The following NSD2 variants were observed in gnomAD, a reference collection of about 807,000 sequenced individuals.
NSD2 encodes the protein histone-lysine N-methyltransferase NSD2.
A neutral mutation model predicts 139.0 loss-of-function variants in NSD2; 12 were observed. That is an observed-to-expected ratio of 0.09 (90% CI 0.06 to 0.14). The LOEUF (loss-of-function observed/expected upper bound fraction) is 0.14, where lower values mean the gene tolerates loss of function less well. NSD2 is among the 10% of genes least tolerant of loss of function. NSD2 has a pLI of 1.00. For synonymous variants in NSD2, 669 were observed against 648.7 expected (o/e 1.03, Z -0.48); for missense variants, 1,155 against 1,745.0 (o/e 0.66, Z 6.02).
chr4:1,923,662 T>A (rs997448164), intron 5 of NSD2, among the ~76,000 whole-genome samples: 9 of 152,196 alleles, frequency 5.9e-5, no homozygotes, highest in African/African-American at 9.7e-5. Context: ...TTTGGCAAGA[T>A]CTAGTGAAAT....
At chr4:1,939,592 T>A (rs1722864247) in intron 8 of NSD2, 62 bp from the exon 9 acceptor site, 1 of 1,529,614 alleles carries the variant, frequency 6.5e-7, no homozygotes, top group Non-Finnish European at 9.0e-7. Context: ...GGGTAATTTT[T>A]AAGCAGTAAA....
chr4:1,975,068 G>T (rs1008025798), intron 19 of NSD2, 64 bp downstream of exon 19: 38 of 1,606,320 alleles, frequency 2.4e-5, no homozygotes, highest in Non-Finnish European at 3.1e-5. Context: ...CATCGCTGAG[G>T]GCTGCGTGGG....
chr4:1,918,217 T>A lies in NSD2; in HGVS notation c.1004T>A (p.Met335Lys). 1 of 1,613,408 alleles carries A rather than the reference T, an allele frequency of 6.2e-7. No individual in the cohort carries two copies. Among genetic ancestry groups the A allele is most frequent in the Non-Finnish European group, 8.5e-7 (1 of 1,179,954 alleles). The change falls in exon 5 of 22, where the codon ATG becomes AAG. Residue 335 changes from methionine (M) to lysine (K), a missense_variant. Met to Lys is a moderately conservative substitution (Grantham distance 95, BLOSUM62 -1). Coordinates refer to ENST00000508803, the MANE Select transcript of NSD2 (RefSeq NM_001042424.3). ...GTTCAAGCAGAAGAAGCTGCAAGCA[T>A]GTCAGTGGAGGAGCGGAAAGCCAAG... The part of the protein sequence containing the change: ...GIVQAEEAAS[M>K]SVEERKAKFT...
intron 5 of NSD2, among the ~76,000 whole-genome samples, chr4:1,924,880 T>C (rs1329803367): frequency 1.3e-5 from 2 of 152,146 alleles, no homozygotes; most frequent in African/African-American, 4.8e-5. Flanking sequence ...TGAGCCATCA[T>C]TGCGCCACTG....
chr4:1,911,804 G>A (rs1718730563), intron 3 of NSD2, among the ~76,000 whole-genome samples: 1 of 152,060 alleles, frequency 6.6e-6, no homozygotes, highest in Non-Finnish European at 1.5e-5. Context: ...CCGGTTTCTA[G>A]ATGGGAAAGA....
In NSD2 at chr4:1,945,567, CCAGAAG is replaced by C. The variant is rs1723540200; in HGVS notation, c.1882-5503_1882-5498del. On this transcript the variant is annotated intron_variant, in intron 9 of 21. Coordinates refer to ENST00000508803, the MANE Select transcript of NSD2 (RefSeq NM_001042424.3). ...GAAAGTGCTCCTGAGAAGGCTCTTG[CCAGAAG>C]CCTGATGTGAGTGTGTGGCACCTGT... 3.8e-6 allele frequency: 4 copies of C among 1,065,208 alleles called. No individual in the cohort carries two copies. The African/African-American group carries it at 6.6e-5, about 17-fold the overall frequency. 66.0% of individuals were successfully genotyped at this position (1,065,208 alleles called of 1,614,324 possible). A position where few individuals can be genotyped will look rare whatever the true frequency, so the allele number is the denominator to read the frequency against.
At position 1,916,098 on chromosome 4, in the gene NSD2, C is replaced by T. The variant is rs553717048; in HGVS notation, c.761-773C>T. On this transcript the variant is annotated intron_variant, in intron 3 of 21. Transcript: ENST00000508803. Reference sequence around the variant, plus strand: ...GGCATCTGTGGGGTTACTCTGTGGTCTGAGCTGCTCTCTGAGGCCACTGAT... The same window carrying T: ...GGCATCTGTGGGGTTACTCTGTGGTTTGAGCTGCTCTCTGAGGCCACTGAT... Among the ~76,000 whole-genome samples the T allele has an allele frequency of 7.0e-4, 106 of 152,236 alleles. 1 individual carries two copies. Among genetic ancestry groups the T allele is most frequent in the Admixed American group, 6.5e-3 (99 of 15,296 alleles).
intron 2 of NSD2, among the ~76,000 whole-genome samples, chr4:1,901,899 C>T (rs1039681493): frequency 3.3e-5 from 5 of 152,166 alleles, no homozygotes; most frequent in African/African-American, 7.2e-5. Flanking sequence ...TCCTAACTTG[C>T]GATGGAAAGG....
At chr4:1,915,295 T>C (rs1435406425) in intron 3 of NSD2, among the ~76,000 whole-genome samples, 2 of 151,946 alleles carry the variant, frequency 1.3e-5, no homozygotes, top group Non-Finnish European at 2.9e-5. Context: ...TTTGTATATT[T>C]AGTAGAAATG....
At position 1,930,743 on chromosome 4, in the gene NSD2, G is replaced by C. The variant is rs1256922030; in HGVS notation, c.1528G>C (p.Ala510Pro). 6.2e-7 allele frequency: 1 copy of C among 1,613,648 alleles called. No individual in the cohort carries two copies. The highest frequency in any genetic ancestry group is 2.2e-5 in the East Asian group (1 of 44,830). ...CTACAACACCAAGTTTGCCCTGGTG[G>C]CCCCTGTCCAGGCTGAAGAAGACTC... ...ARYNTKFALV[A>P]PVQAEEDSGN... Residue 510 changes from alanine (A) to proline (P), a missense_variant, in exon 6 of 22, where the codon GCC becomes CCC. Around this residue, in one of 8 missense-constraint regions of NSD2, gnomAD observed 420 missense variants for 469.0 expected, o/e 0.90. Transcript: ENST00000508803.
intron 5 of NSD2, among the ~76,000 whole-genome samples, chr4:1,925,822 G>C (rs1308054725): frequency 6.6e-6 from 1 of 151,190 alleles, no homozygotes; most frequent in Non-Finnish European, 1.5e-5. Flanking sequence ...TTGTTTTTGA[G>C]ACAGGGTCTT....
At chr4:1,911,433 C>G (rs1718644434) in intron 3 of NSD2, among the ~76,000 whole-genome samples, 1 of 151,418 alleles carries the variant, frequency 6.6e-6, no homozygotes, top group Non-Finnish European at 1.5e-5. Flanking sequence ...GCTAACAGTA[C>G]AAAAATTAGC....
intron 6 of NSD2, among the ~76,000 whole-genome samples, chr4:1,933,602 G>C (rs1721946672): frequency 6.6e-6 from 1 of 151,810 alleles, no homozygotes; most frequent in African/African-American, 2.4e-5. Flanking sequence ...CACTCTGTTA[G>C]CCAGGATGGT....
rs1727691847 is a variant in NSD2 at position 1,980,867 on chromosome 4, C to T, written c.*1958C>T. ...AAAGTGTCCTAAGAAAATACTGGAT[C>T]GGCTCATAGATTTATGCTCCTTATG... On this transcript the variant is annotated 3_prime_UTR_variant, in exon 22 of 22. Coordinates refer to ENST00000508803, the MANE Select transcript of NSD2 (RefSeq NM_001042424.3). The T allele has an allele frequency of 8.6e-6, 2 of 233,104 alleles. No individual in the cohort carries two copies. Among genetic ancestry groups the T allele is most frequent in the Non-Finnish European group, 1.7e-5 (2 of 118,030 alleles). 14.4% of individuals were successfully genotyped at this position (233,104 alleles called of 1,614,324 possible).
At chr4:1,897,859 A>G (rs943691284) in intron 1 of NSD2, among the ~76,000 whole-genome samples, 1 of 152,090 alleles carries the variant, frequency 6.6e-6, no homozygotes, top group Non-Finnish European at 1.5e-5. Context: ...ACTCCAGACC[A>G]CAAGTGATCC....
Position 1,952,157 on chromosome 4 carries a change from G to C in NSD2, c.2063G>C (p.Gly688Ala). The change falls in exon 11 of 22, where the codon GGA (glycine) becomes GCA (alanine). Residue 688 changes from glycine (G) to alanine (A), a missense_variant. Physicochemically the swap from Gly to Ala is moderately conservative, Grantham distance 60. Coordinates refer to ENST00000508803, the MANE Select transcript of NSD2 (RefSeq NM_001042424.3). ...SLLLCEGPCC[G>A]AFHLACLGLS... is the part of the protein sequence containing the mutation. ...CTGCTCTGTGAAGGACCCTGCTGCG[G>C]AGCTTTCCACCTCGCCTGCCTTGGG... is the stretch of plus-strand genomic sequence containing the variant. 6.2e-7 allele frequency: 1 copy of C among 1,614,156 alleles called. No homozygotes were observed. The highest frequency in any genetic ancestry group is 8.5e-7 in the Non-Finnish European group (1 of 1,180,034).
chr4:1,886,602 C>T (rs1715131416), intron 1 of NSD2, among the ~76,000 whole-genome samples: 1 of 152,066 alleles, frequency 6.6e-6, no homozygotes, highest in Admixed American at 6.6e-5. Context: ...GAGGCCGAGG[C>T]GGGCAGATCA....
intron 1 of NSD2, among the ~76,000 whole-genome samples, chr4:1,891,103 A>T (rs1252620880): frequency 2.6e-5 from 4 of 152,284 alleles, no homozygotes; most frequent in African/African-American, 9.6e-5. Context: ...CATGTTGTCC[A>T]GGCTGATGTC....
chr4:1,919,766 T>G (rs1719875567), intron 5 of NSD2, among the ~76,000 whole-genome samples: 1 of 151,988 alleles, frequency 6.6e-6, no homozygotes, highest in Non-Finnish European at 1.5e-5. Context: ...ACCCCGTCTC[T>G]ACTAAAAATA....
Sources: allele counts gnomAD v4.1 joint callset (sites outside exome capture counted in the v4.1 genomes callset), GRCh38; gene constraint gnomAD v4.1.1; regional missense constraint gnomAD v4.1.1; transcripts MANE v1.5; gene names NCBI Gene and HGNC (gene_info 2026-07-23, HGNC 2026-07-21).